The following RET variants were observed in gnomAD, a reference collection of about 807,000 sequenced individuals.
The protein encoded by RET is proto-oncogene tyrosine-protein kinase receptor Ret.
A neutral mutation model predicts 118.3 loss-of-function variants in RET; 19 were observed. The observed-to-expected ratio is 0.16, with a 90% CI of 0.11 to 0.24. RET has a LOEUF of 0.24. RET is among the 10% of genes least tolerant of loss of function. The pLI, the probability that RET is intolerant of heterozygous loss-of-function variation, is 1.00. For synonymous variants in RET, 597 were observed against 644.1 expected (o/e 0.93, Z 1.11); for missense variants, 1,219 against 1,502.1 (o/e 0.81, Z 3.12).
rs751291577 is a variant in RET at position 43,099,513 on chromosome 10, AAAATAAAT to A, written c.74-906_74-899del. Among the ~76,000 whole-genome samples, 875 of 146,346 alleles carry A rather than the reference AAAATAAAT, an allele frequency of 6.0e-3. 6 individuals carry two copies. Among genetic ancestry groups the A allele is most frequent in the African/African-American group, 0.013 (522 of 39,372 alleles). On this transcript the variant is annotated intron_variant, in intron 1 of 19. Transcript: ENST00000355710. ...GCAACAAGAGCAAAACTCCATCTCAAAAATAAATAAATAAATAAATAAATAAATAAATA... is the reference window on the plus strand; with the variant it reads ...GCAACAAGAGCAAAACTCCATCTCAAAAATAAATAAATAAATAAATAAATA...
intron 2 of RET, among the ~76,000 whole-genome samples, chr10:43,100,945 C>T (rs1005139128): frequency 3.3e-5 from 5 of 152,196 alleles, no homozygotes; most frequent in Non-Finnish European, 7.3e-5. Context: ...TGGAGACACA[C>T]GGGAATCATC....
rs745469112 is a variant in RET at position 43,128,194 on chromosome 10, T to A, written c.3270T>A (p.Tyr1090Ter). The change falls in exon 20 of 20, where the codon TAT becomes TAA. Residue 1090 changes from tyrosine to a stop codon, truncating the protein, a stop_gained. Coordinates refer to ENST00000355710, the MANE Select transcript of RET (RefSeq NM_020975.6). LOFTEE classifies it high-confidence loss of function. ...ADGTNTGFPRYPNDSVYANWM... is the reference protein window; with the variant it reads ...ADGTNTGFPR ...GCACTAACACTGGGTTTCCAAGATA[T>A]CCAAATGATAGTGTATATGCTAACT... The A allele has an allele frequency of 1.9e-6, 3 of 1,614,184 alleles. No homozygotes were observed.
At chr10:43,123,361 A>G (rs1838259875) in intron 16 of RET, among the ~76,000 whole-genome samples, 1 of 152,248 alleles carries the variant, frequency 6.6e-6, no homozygotes, top group Admixed American at 6.5e-5. Context: ...TAATTAATGT[A>G]TCATTAATTC....
intron 1 of RET, among the ~76,000 whole-genome samples, chr10:43,097,470 C>T (rs1196403719): frequency 1.3e-5 from 2 of 152,046 alleles, no homozygotes; most frequent in Non-Finnish European, 2.9e-5. Flanking sequence ...CTAGCATCCT[C>T]TCTGGGGTAA....
intron 3 of RET, 178 bp from the exon 4 acceptor site, chr10:43,104,774 G>C (rs1352574554): frequency 1.1e-6 from 1 of 930,748 alleles, no homozygotes; most frequent in African/African-American, 1.7e-5. Context: ...CACAGTCATC[G>C]CTGCAAACTG....
At chr10:43,121,337 C>T (rs1009758368) in intron 15 of RET, among the ~76,000 whole-genome samples, 3 of 152,152 alleles carry the variant, frequency 2.0e-5, no homozygotes, top group African/African-American at 7.2e-5. Context: ...AATGGACTTG[C>T]ACCTTCAGGC....
chr10:43,104,641 G>T (rs920793861), intron 3 of RET: 2 of 522,896 alleles, frequency 3.8e-6, no homozygotes, highest in East Asian at 3.4e-5. Flanking sequence ...GGGCGGAGGG[G>T]TGTCCCAGTC....
chr10:43,100,838 G>C, intron 2 of RET, 116 bp downstream of exon 2: 1 of 1,202,324 alleles, frequency 8.3e-7, no homozygotes, highest in African/African-American at 1.5e-5. Flanking sequence ...CCGCTGGTGT[G>C]GAAGGCGTCA....
intron 1 of RET, among the ~76,000 whole-genome samples, chr10:43,094,774 A>G (rs1306850492): frequency 6.6e-6 from 1 of 152,216 alleles, no homozygotes; most frequent in Non-Finnish European, 1.5e-5. Flanking sequence ...TACCAGTATG[A>G]GCAAATACAT....
At chr10:43,086,567 ACT>A (rs1837292745) in intron 1 of RET, among the ~76,000 whole-genome samples, 1 of 152,028 alleles carries the variant, frequency 6.6e-6, no homozygotes, top group African/African-American at 2.4e-5. Flanking sequence ...GCTGGGGCAG[ACT>A]CTACAGCCCT....
chr10:43,096,537 C>G (rs1476474828), intron 1 of RET, among the ~76,000 whole-genome samples: 3 of 152,164 alleles, frequency 2.0e-5, no homozygotes, highest in Admixed American at 6.5e-5. Context: ...GATGATACAC[C>G]CCTGTGCAGA....
chr10:43,111,498 G>C (rs750358582), intron 7 of RET, 33 bp downstream of exon 7: 1 of 1,598,346 alleles, frequency 6.3e-7, no homozygotes, highest in Non-Finnish European at 8.5e-7. Flanking sequence ...GAGGGTCGGG[G>C]TCCTGGGGGC....
In RET at chr10:43,130,289, C is replaced by CT. The variant is rs1483654000; in HGVS notation, c.*2027dup. The CT allele has an allele frequency of 5.7e-6, 2 of 351,090 alleles. No individual in the cohort carries two copies. The highest frequency in any genetic ancestry group is 1.0e-5 in the Non-Finnish European group (2 of 197,222). 21.7% of individuals were successfully genotyped at this position (351,090 alleles called of 1,614,324 possible). ...AAGGTCATTAAACCAGATCATGTTC[C>CT]TTTTTTTGTAATCAAGGTGACTAAG... On this transcript the variant is annotated 3_prime_UTR_variant, in exon 20 of 20. Coordinates refer to ENST00000355710, the MANE Select transcript of RET (RefSeq NM_020975.6).
At chr10:43,119,807 C>A (rs1838168027) in intron 14 of RET, 62 bp downstream of exon 14, 1 of 1,536,000 alleles carries the variant, frequency 6.5e-7, no homozygotes, top group African/African-American at 1.4e-5. Flanking sequence ...ACCCACCACG[C>A]CCCTGCCACC....
rs1328756940 is a variant in RET at position 43,077,307 on chromosome 10, C to A, written c.49C>A (p.Leu17Met). ...GAAGLRLLLL[L>M]LLPLLGKVAL... Reference sequence around the variant, plus strand: ...CGCGGGGCTGCGTCTGCTGTTGCTGCTGCTGCTGCCGCTGCTAGGCAAAGG... The same window carrying A: ...CGCGGGGCTGCGTCTGCTGTTGCTGATGCTGCTGCCGCTGCTAGGCAAAGG... Residue 17 changes from leucine to methionine, a missense_variant, in exon 1 of 20, where the codon CTG becomes ATG. Physicochemically the swap from Leu to Met is conservative, Grantham distance 15 (BLOSUM62 2). This residue lies in a region of RET where 38 missense variants were observed against 33.1 expected (regional missense o/e 1.15). Coordinates refer to ENST00000355710, the MANE Select transcript of RET (RefSeq NM_020975.6). The A allele has an allele frequency of 1.3e-6, 2 of 1,511,786 alleles. No homozygotes were observed. Among genetic ancestry groups the A allele is most frequent in the Non-Finnish European group, 1.8e-6 (2 of 1,135,582 alleles). 93.6% of individuals were successfully genotyped at this position (1,511,786 alleles called of 1,614,324 possible). A position where few individuals can be genotyped will look rare whatever the true frequency, so the allele number is the denominator to read the frequency against.
chr10:43,125,879 G>A (rs1233474802), intron 18 of RET, among the ~76,000 whole-genome samples: 1 of 152,214 alleles, frequency 6.6e-6, no homozygotes, highest in Non-Finnish European at 1.5e-5. Flanking sequence ...ATGCAGCGTT[G>A]TTCAAAACAG....
intron 1 of RET, among the ~76,000 whole-genome samples, chr10:43,082,067 G>A (rs1397033246): frequency 6.6e-6 from 1 of 152,186 alleles, no homozygotes; most frequent in Non-Finnish European, 1.5e-5. Context: ...GTGTGATCAT[G>A]GGGGCCTCAG....
Position 43,111,068 on chromosome 10 carries a change from C to T in RET, c.1264-139C>T. 1.4e-5 allele frequency: 17 copies of T among 1,194,542 alleles called. No homozygotes were observed. In the South Asian group the frequency reaches 2.2e-4, roughly 15 times the overall value. The allele number at this position is 1,194,542 out of a possible 1,614,324, so 74.0% of individuals were successfully genotyped here. On this transcript the variant is annotated intron_variant, in intron 6 of 19. Coordinates refer to ENST00000355710, the MANE Select transcript of RET (RefSeq NM_020975.6). ...TATGAAGGCTCTGAGGGGTGGAGGA[C>T]AGGGTGCTCGGGGGGGCTGCTGTCT...
Position 43,106,506 on chromosome 10 carries a change from A to C in RET, c.998A>C (p.His333Pro), listed in dbSNP as rs769791074. 1 of 1,613,764 alleles carries C rather than the reference A, an allele frequency of 6.2e-7. No individual in the cohort carries two copies. Among genetic ancestry groups the C allele is most frequent in the South Asian group, 1.1e-5 (1 of 91,056 alleles). ...TWAQQTFRVEHWPNETSVQAN... is the reference protein window; with the variant it reads ...TWAQQTFRVEPWPNETSVQAN... Reference sequence around the variant, plus strand: ...GCCCAGCAGACCTTCCGGGTGGAACACTGGCCCAACGAGACCTCGGTCCAG... The same window carrying C: ...GCCCAGCAGACCTTCCGGGTGGAACCCTGGCCCAACGAGACCTCGGTCCAG... The change falls in exon 5 of 20, where the codon CAC (histidine) becomes CCC (proline). Residue 333 changes from histidine (H) to proline (P), a missense_variant. This residue lies in a region of RET where 850 missense variants were observed against 969.6 expected (regional missense o/e 0.88). Coordinates refer to ENST00000355710, the MANE Select transcript of RET (RefSeq NM_020975.6). The surrounding 1 kb of genome is among the most constrained non-coding windows in gnomAD (Gnocchi z 5.1).
Sources: gnomAD v4.1 joint callset for allele counts (sites outside exome capture counted in the v4.1 genomes callset) on GRCh38, gnomAD v4.1.1 for gene constraint, gnomAD v4.1.1 regional missense constraint, Gnocchi (gnomAD v3.1) non-coding constraint, MANE v1.5 for transcripts, NCBI Gene and HGNC (gene_info 2026-07-23, HGNC 2026-07-21) for gene names.